Variants in SLC16A7 observed in about 807,000 individuals in gnomAD.
The protein encoded by SLC16A7 is monocarboxylate transporter 2.
A neutral mutation model predicts 34.9 loss-of-function variants in SLC16A7; 33 were observed. The observed-to-expected ratio is 0.94, with a 90% CI of 0.72 to 1.26. SLC16A7 has a LOEUF of 1.26. Ranked by LOEUF, SLC16A7 falls within the 50% of genes most tolerant of loss-of-function variation. The pLI is 0.00. For synonymous variants in SLC16A7, 201 were observed against 206.6 expected (o/e 0.97, Z 0.23); for missense variants, 573 against 578.1 (o/e 0.99, Z 0.09).
rs142814345 is a variant in SLC16A7, at chr12:59,605,280, A to C, written c.-130+9044A>C. On this transcript the variant is annotated intron_variant, in intron 1 of 5. Coordinates refer to ENST00000547379, the MANE Select transcript of SLC16A7 (RefSeq NM_001270623.2). ...CCAAGCTAGAAAGCTTAGAGAAAGT[A>C]ACAACCCCTTGTGGATTCAAGGAGG... is the stretch of plus-strand genomic sequence containing the variant. Among the ~76,000 whole-genome samples, 325 of 152,348 alleles carry C rather than the reference A, an allele frequency of 2.1e-3. 1 individual carries two copies. The highest frequency in any genetic ancestry group is 0.017 in the Middle Eastern group (5 of 294).
chr12:59,628,630 C>T (rs1307378271), intron 1 of SLC16A7, among the ~76,000 whole-genome samples: 2 of 151,594 alleles, frequency 1.3e-5, no homozygotes, highest in East Asian at 1.9e-4. Flanking sequence ...AAAAACACAT[C>T]ATATTCTTTG....
intron 1 of SLC16A7, among the ~76,000 whole-genome samples, chr12:59,650,281 T>A (rs1462387029): frequency 2.6e-5 from 4 of 152,118 alleles, no homozygotes; most frequent in African/African-American, 7.2e-5. Flanking sequence ...TATTATGAAG[T>A]GAATTCTAAG....
At chr12:59,624,659 AT>A (rs1879842650) in intron 1 of SLC16A7, among the ~76,000 whole-genome samples, 1 of 151,592 alleles carries the variant, frequency 6.6e-6, no homozygotes, top group Non-Finnish European at 1.5e-5. Context: ...ACTATTGGTC[AT>A]TAATCTGCAG....
chr12:59,748,574 T>A (rs1879153259), intron 3 of SLC16A7, among the ~76,000 whole-genome samples: 1 of 152,176 alleles, frequency 6.6e-6, no homozygotes. Context: ...ACGGGACCCA[T>A]ACAAAGTTGA....
chr12:59,614,623 C>T lies in SLC16A7; in HGVS notation c.-130+18387C>T, dbSNP rs118020333. The stretch of plus-strand genomic sequence containing the variant: ...TGGCCATTGTGATAGCAATATGAGT[C>T]GGGACCAGTAAGAGGTGATTAGTTT... On this transcript the variant is annotated intron_variant, in intron 1 of 5. Coordinates refer to ENST00000547379, the MANE Select transcript of SLC16A7 (RefSeq NM_001270623.2). 4.1e-3 allele frequency among the ~76,000 whole-genome samples: 626 copies of T among 151,526 alleles called. 3 individuals carry two copies. The highest frequency in any genetic ancestry group is 6.7e-3 in the South Asian group (32 of 4,792).
chr12:59,706,382 GTGTT>G (rs780499553), intron 3 of SLC16A7, among the ~76,000 whole-genome samples: 1 of 151,862 alleles, frequency 6.6e-6, no homozygotes, highest in South Asian at 2.1e-4. Flanking sequence ...GTGTGTGTGT[GTGTT>G]TATGTGTGTT....
intron 2 of SLC16A7, among the ~76,000 whole-genome samples, chr12:59,661,631 C>T (rs1226365692): frequency 6.6e-6 from 1 of 152,064 alleles, no homozygotes; most frequent in African/African-American, 2.4e-5. Flanking sequence ...ACCATGTACT[C>T]AAATCACCTT....
At chr12:59,721,365 C>T (rs182220765) in intron 3 of SLC16A7, among the ~76,000 whole-genome samples, 1 of 151,968 alleles carries the variant, frequency 6.6e-6, no homozygotes, top group African/African-American at 2.4e-5. Flanking sequence ...AGTATCTATC[C>T]TAACTAAGGC....
intron 3 of SLC16A7, chr12:59,763,923 C>G (rs1238082399): frequency 1.3e-5 from 2 of 152,116 alleles, no homozygotes; most frequent in African/African-American, 4.8e-5. Context: ...CTCCATAGAC[C>G]AGCTGTTCTG....
At chr12:59,720,122 A>G (rs1047185581) in intron 3 of SLC16A7, 5 of 698,278 alleles carry the variant, frequency 7.2e-6, no homozygotes, top group Admixed American at 6.1e-5. Context: ...CAGTTGATTG[A>G]CGTGTTATTA....
chr12:59,686,226 A>G (rs1178474027), intron 2 of SLC16A7, among the ~76,000 whole-genome samples: 1 of 148,730 alleles, frequency 6.7e-6, no homozygotes, highest in African/African-American at 2.5e-5. Flanking sequence ...GCATTTTCTT[A>G]GAGCAGGGAA....
chr12:59,706,934 C>T (rs1424782297), intron 3 of SLC16A7, among the ~76,000 whole-genome samples: 1 of 151,654 alleles, frequency 6.6e-6, no homozygotes, highest in Admixed American at 6.6e-5. Flanking sequence ...TAAGCCAAAT[C>T]TTAATTTACA....
intron 3 of SLC16A7, among the ~76,000 whole-genome samples, chr12:59,745,942 AAGTG>A (rs1322216614): frequency 6.6e-6 from 1 of 152,202 alleles, no homozygotes; most frequent in African/African-American, 2.4e-5. Context: ...GGAAAACATA[AAGTG>A]AAAAATTGTG....
chr12:59,774,530 T>C (rs930856871), intron 4 of SLC16A7, 127 bp from the exon 5 acceptor site: 2 of 525,434 alleles, frequency 3.8e-6, no homozygotes, highest in African/African-American at 3.9e-5. Context: ...ATAATCAAAA[T>C]GTACTATATG....
chr12:59,737,885 C>T (rs1040805623), intron 3 of SLC16A7, among the ~76,000 whole-genome samples: 13 of 152,162 alleles, frequency 8.5e-5, no homozygotes, highest in East Asian at 3.9e-4. Context: ...TATCAGCTTG[C>T]GCCTGTAGGT....
intron 3 of SLC16A7, among the ~76,000 whole-genome samples, chr12:59,707,111 G>A (rs1251847140): frequency 6.6e-6 from 1 of 152,086 alleles, no homozygotes; most frequent in African/African-American, 2.4e-5. Flanking sequence ...CAGACAGCAT[G>A]GAAGATCATA....
In SLC16A7 at chr12:59,774,921, A is replaced by G. The variant is rs145489003; in HGVS notation, c.626A>G (p.Asn209Ser). The change falls in exon 5 of 6, where the codon AAT (asparagine) becomes AGT (serine). Residue 209 changes from asparagine to serine, a missense_variant. Asn to Ser is a conservative substitution (Grantham distance 46, BLOSUM62 1). Coordinates refer to ENST00000547379, the MANE Select transcript of SLC16A7 (RefSeq NM_001270623.2). Reference protein sequence around the residue: ...GPNQTTSKSKNKTGKTEDDSS... With the variant: ...GPNQTTSKSKSKTGKTEDDSS... ...AATCAAACCACTTCTAAGTCTAAAA[A>G]TAAGACTGGCAAAACAGAAGATGAT... is the stretch of plus-strand genomic sequence containing the variant. 3.9e-5 allele frequency: 63 copies of G among 1,613,902 alleles called. 1 individual carries two copies. The Middle Eastern group carries it at 9.9e-4, about 25-fold the overall frequency.
intron 3 of SLC16A7, among the ~76,000 whole-genome samples, chr12:59,736,147 C>G (rs1877565668): frequency 6.6e-6 from 1 of 152,124 alleles, no homozygotes; most frequent in African/African-American, 2.4e-5. Context: ...GCTCCAGGGA[C>G]AGAAGCATCA....
At chr12:59,729,041 C>G (rs1876624542) in intron 3 of SLC16A7, among the ~76,000 whole-genome samples, 1 of 152,164 alleles carries the variant, frequency 6.6e-6, no homozygotes, top group Admixed American at 6.5e-5. Context: ...TACCTTTTCA[C>G]TTCAGGTTAT....
Sources: gnomAD v4.1 joint callset for allele counts (sites outside exome capture counted in the v4.1 genomes callset) on GRCh38, gnomAD v4.1.1 for gene constraint, MANE v1.5 for transcripts, NCBI Gene and HGNC (gene_info 2026-07-23, HGNC 2026-07-21) for gene names.